The following SYT1 variants were observed in gnomAD, a reference collection of about 807,000 sequenced individuals.
The protein encoded by SYT1 is synaptotagmin 1.
A neutral mutation model predicts 44.8 loss-of-function variants in SYT1; 8 were observed. The ratio of observed to expected loss-of-function variants is 0.18; its 90% CI spans 0.10 to 0.32. SYT1 has a LOEUF of 0.32. SYT1 is among the 10% of genes least tolerant of loss of function. The probability of loss-of-function intolerance (pLI) is 1.00; values close to 1 mark genes in which losing one functional copy is unlikely to be tolerated. For synonymous variants in SYT1, 154 were observed against 188.8 expected (o/e 0.82, Z 1.51); for missense variants, 286 against 509.3 (o/e 0.56, Z 4.22).
chr12:79,403,732 A>C (rs754365071), intron 9 of SYT1, among the ~76,000 whole-genome samples: 1 of 152,180 alleles, frequency 6.6e-6, no homozygotes, highest in Non-Finnish European at 1.5e-5. Context: ...TGATTCTCAA[A>C]GTATAGGCCC....
rs1342180628 is a variant in SYT1 at position 79,049,424 on chromosome 12, T to A, written c.-18+2062T>A. On this transcript the variant is annotated intron_variant, in intron 3 of 10. Coordinates refer to ENST00000261205, the MANE Select transcript of SYT1 (RefSeq NM_005639.3). ...AATCTCAGATTTTAATTACCTATTA[T>A]TTAATAATTATATGCTAAATCACTC... Among the ~76,000 whole-genome samples, 3 of 151,762 alleles carry A rather than the reference T, an allele frequency of 2.0e-5. No individual in the cohort carries two copies. The East Asian group carries it at 5.8e-4, about 29-fold the overall frequency.
intron 3 of SYT1, among the ~76,000 whole-genome samples, chr12:79,075,946 C>T (rs537367362): frequency 6.6e-6 from 1 of 152,092 alleles, no homozygotes; most frequent in Non-Finnish European, 1.5e-5. Context: ...TAACCCATAG[C>T]TAGGTTTGTA....
chr12:79,355,499 T>C (rs1883077359), intron 9 of SYT1, among the ~76,000 whole-genome samples: 1 of 152,176 alleles, frequency 6.6e-6, no homozygotes, highest in African/African-American at 2.4e-5. Context: ...GTAAGAATAT[T>C]TAAAGAGTAA....
chr12:79,279,889 A>G (rs930686868), intron 4 of SYT1, among the ~76,000 whole-genome samples: 2 of 152,240 alleles, frequency 1.3e-5, no homozygotes, highest in South Asian at 4.1e-4. Flanking sequence ...AATCCCATTT[A>G]TAATAGCTGC....
At chr12:79,367,531 T>A (rs1438406764) in intron 9 of SYT1, among the ~76,000 whole-genome samples, 1 of 152,172 alleles carries the variant, frequency 6.6e-6, no homozygotes, top group Admixed American at 6.5e-5. Context: ...TCTCCACAAG[T>A]AGTCAACATT....
At chr12:79,258,674 A>T (rs1877666104) in intron 4 of SYT1, among the ~76,000 whole-genome samples, 1 of 152,198 alleles carries the variant, frequency 6.6e-6, no homozygotes. Context: ...AGCATAAAGA[A>T]ATGTACAGGA....
intron 1 of SYT1, among the ~76,000 whole-genome samples, chr12:78,865,567 G>T (rs1050450810): frequency 3.5e-4 from 7 of 19,760 alleles, no homozygotes; most frequent in Non-Finnish European, 6.6e-4. Flanking sequence ...AGGGATATGG[G>T]GGGGGGGGGG....
At chr12:79,060,170 A>G (rs1209468540) in intron 3 of SYT1, among the ~76,000 whole-genome samples, 1 of 152,110 alleles carries the variant, frequency 6.6e-6, no homozygotes, top group Non-Finnish European at 1.5e-5. Context: ...CAGCTCTATC[A>G]TAGCAGTAAC....
intron 1 of SYT1, among the ~76,000 whole-genome samples, chr12:78,890,667 C>A (rs1361202413): frequency 6.6e-6 from 1 of 151,806 alleles, no homozygotes; most frequent in Non-Finnish European, 1.5e-5. Context: ...CCATTGTAAC[C>A]AGTCTTTCAT....
intron 9 of SYT1, among the ~76,000 whole-genome samples, chr12:79,419,876 G>A (rs1868995817): frequency 6.6e-6 from 1 of 151,820 alleles, no homozygotes; most frequent in Admixed American, 6.6e-5. Flanking sequence ...GGTTTTGTAT[G>A]TTTTCAGCCA....
intron 3 of SYT1, among the ~76,000 whole-genome samples, chr12:79,191,379 A>T (rs1161353301): frequency 6.6e-6 from 1 of 152,142 alleles, no homozygotes; most frequent in African/African-American, 2.4e-5. Context: ...TAAAAACTCT[A>T]TTTTGCTGTT....
chr12:79,436,730 G>T (rs1340176037), intron 9 of SYT1, among the ~76,000 whole-genome samples: 4 of 152,218 alleles, frequency 2.6e-5, no homozygotes, highest in Admixed American at 2.0e-4. Flanking sequence ...ATTGAAGTAG[G>T]GTATGGAATA....
intron 3 of SYT1, among the ~76,000 whole-genome samples, chr12:79,064,798 A>AAC (rs375218157): frequency 3.8e-4 from 57 of 149,072 alleles, no homozygotes; most frequent in South Asian, 2.8e-3. Context: ...CTGCACCCCA[A>AAC]ACACACACAC....
chr12:79,272,208 A>G (rs2138773771), intron 4 of SYT1, among the ~76,000 whole-genome samples: 1 of 152,380 alleles, frequency 6.6e-6, no homozygotes. Flanking sequence ...TGATGAGAAT[A>G]GAGGTGAGTG....
At position 79,190,566 on chromosome 12, in the gene SYT1, G is replaced by C. The variant is rs372081166; in HGVS notation, c.-17-26937G>C. ...ATCTCCATGTTACCATCCTAGTGCAGTACTCCACAGCACCGGCGCCAGGAA... is the reference window on the plus strand; with the variant it reads ...ATCTCCATGTTACCATCCTAGTGCACTACTCCACAGCACCGGCGCCAGGAA... On this transcript the variant is annotated intron_variant, in intron 3 of 10. Coordinates refer to ENST00000261205, the MANE Select transcript of SYT1 (RefSeq NM_005639.3). Among the ~76,000 whole-genome samples, 23 of 152,236 alleles carry C rather than the reference G, an allele frequency of 1.5e-4. No homozygotes were observed. The East Asian group carries it at 2.1e-3, about 14-fold the overall frequency.
At chr12:79,319,476 T>C (rs1285470162) in intron 8 of SYT1, among the ~76,000 whole-genome samples, 1 of 152,200 alleles carries the variant, frequency 6.6e-6, no homozygotes, top group Non-Finnish European at 1.5e-5. Flanking sequence ...TTATCCATCA[T>C]GTTAAATTTA....
chr12:78,979,222 G>C (rs1869068901), intron 2 of SYT1, among the ~76,000 whole-genome samples: 1 of 151,988 alleles, frequency 6.6e-6, no homozygotes, highest in Non-Finnish European at 1.5e-5. Flanking sequence ...TACAATGAAG[G>C]GCAGGTGCCT....
chr12:79,321,394 A>T (rs1397996310), intron 8 of SYT1, among the ~76,000 whole-genome samples: 1 of 152,244 alleles, frequency 6.6e-6, no homozygotes, highest in East Asian at 1.9e-4. Flanking sequence ...AAAGAAATGT[A>T]TCATGTGAAT....
chr12:78,914,392 C>G (rs971463670), intron 1 of SYT1, among the ~76,000 whole-genome samples: 2 of 151,972 alleles, frequency 1.3e-5, no homozygotes, highest in Middle Eastern at 3.4e-3. Context: ...ATTCTGATAA[C>G]AGTCTATGGC....
Sources: allele counts gnomAD v4.1 joint callset (sites outside exome capture counted in the v4.1 genomes callset), GRCh38; gene constraint gnomAD v4.1.1; transcripts MANE v1.5; gene names NCBI Gene and HGNC (gene_info 2026-07-23, HGNC 2026-07-21).